CCKAR: variants seen among roughly 807,000 people sequenced by gnomAD.
CCKAR encodes cholecystokinin A receptor, also known as cholecystokinin receptor type A.
In CCKAR, 21 loss-of-function variants were observed where a neutral mutation model predicts 29.8. That is an observed-to-expected ratio of 0.70 (90% CI 0.50 to 1.01). CCKAR has a LOEUF of 1.01. Ranked by LOEUF, CCKAR falls within the 50% of genes least tolerant of loss-of-function variation. The pLI, the probability that CCKAR is intolerant of heterozygous loss-of-function variation, is 0.00. For missense variants in CCKAR, 570 were observed against 560.6 expected (o/e 1.02, Z -0.17); for synonymous variants, 238 against 221.3 (o/e 1.08, Z -0.67).
At chr4:26,482,262 A>G in intron 4 of CCKAR, 92 bp from the exon 5 acceptor site, 1 of 1,240,776 alleles carries the variant, frequency 8.1e-7, no homozygotes, top group Non-Finnish European at 1.1e-6. Flanking sequence ...AAGAAGTCCA[A>G]ACCAAACAGG....
Position 26,483,219 on chromosome 4 carries a change from A to C in CCKAR, c.691T>G (p.Leu231Val), listed in dbSNP as rs1209298439. Residue 231 changes from leucine to valine, a missense_variant, in exon 4 of 5, where the codon TTA (leucine) becomes GTA (valine). Physicochemically the swap from Leu to Val is conservative, Grantham distance 32 (BLOSUM62 1). Coordinates refer to ENST00000295589, the MANE Select transcript of CCKAR (RefSeq NM_000730.3). ...PGIVMMVAYG[L>V]ISLELYQGIK... ...CCCTGGTAGAGTTCCAAAGAGATTA[A>C]TCCATATGCCACCATCATCACAATT... 2.5e-6 allele frequency: 4 copies of C among 1,613,710 alleles called. No homozygotes were observed. The highest frequency in any genetic ancestry group is 3.4e-6 in the Non-Finnish European group (4 of 1,179,810).
intron 3 of CCKAR, among the ~76,000 whole-genome samples, chr4:26,484,025 C>A (rs1388695391): frequency 1.3e-5 from 2 of 152,170 alleles, no homozygotes; most frequent in Non-Finnish European, 2.9e-5. Flanking sequence ...TCTCCATGAC[C>A]CTGTGAGGCT....
intron 2 of CCKAR, among the ~76,000 whole-genome samples, chr4:26,486,960 TA>T (rs746974684): frequency 1.2e-4 from 18 of 152,154 alleles, no homozygotes; most frequent in Non-Finnish European, 7.3e-5. Flanking sequence ...TTAGATGGCC[TA>T]TGGAAAAAAA....
Position 26,481,653 on chromosome 4 carries a change from C to G in CCKAR, c.1272G>C (p.Ser424=). The G allele has an allele frequency of 6.2e-7, 1 of 1,614,134 alleles. No individual in the cohort carries two copies. ...AGGGGACATCTCACTGGGGTGGCAC[C>G]GAGGCACTCATATGGCTGTACGAGA... ...SRFSYSHMSA[S]VPPQ is the part of the protein sequence containing the mutation. Residue 424 remains serine, a synonymous_variant, in exon 5 of 5, where the codon TCG becomes TCC. Coordinates refer to ENST00000295589, the MANE Select transcript of CCKAR (RefSeq NM_000730.3).
At chr4:26,482,779 G>A (rs1737377860) in intron 4 of CCKAR, among the ~76,000 whole-genome samples, 1 of 152,162 alleles carries the variant, frequency 6.6e-6, no homozygotes, top group African/African-American at 2.4e-5. Flanking sequence ...TGTGGGTTAG[G>A]AATCAAATCC....
chr4:26,481,578 C>T lies in CCKAR; in HGVS notation c.*60G>A, dbSNP rs1393782614. On this transcript the variant is annotated 3_prime_UTR_variant, in exon 5 of 5. Coordinates refer to ENST00000295589, the MANE Select transcript of CCKAR (RefSeq NM_000730.3). ...TCCTTCTCTTCCTGATCTCTTCTTC[C>T]GTTCTTTCTTCTCTGCCTCCTCCCT... The T allele has an allele frequency of 5.1e-6, 8 of 1,564,656 alleles. No homozygotes were observed. The highest frequency in any genetic ancestry group is 2.2e-5 in the East Asian group (1 of 44,708).
chr4:26,483,619 C>T (rs1452190372), intron 3 of CCKAR, among the ~76,000 whole-genome samples: 1 of 152,086 alleles, frequency 6.6e-6, no homozygotes, highest in Non-Finnish European at 1.5e-5. Flanking sequence ...GTTTTAAAAA[C>T]CCTTAAAAAT....
intron 3 of CCKAR, among the ~76,000 whole-genome samples, chr4:26,483,620 C>G (rs1042486750): frequency 1.3e-5 from 2 of 152,000 alleles, no homozygotes; most frequent in Non-Finnish European, 2.9e-5. Context: ...TTTTAAAAAC[C>G]CTTAAAAATT....
intron 1 of CCKAR, 98 bp from the exon 2 acceptor site, chr4:26,489,582 A>AC (rs1412900002): frequency 7.3e-7 from 1 of 1,378,170 alleles, no homozygotes; most frequent in East Asian, 2.3e-5. Context: ...TTTTCCCCCC[A>AC]CCGGGGTGTA....
chr4:26,486,011 G>A, intron 2 of CCKAR, 113 bp from the exon 3 acceptor site: 1 of 851,240 alleles, frequency 1.2e-6, no homozygotes, highest in Non-Finnish European at 1.8e-6. Flanking sequence ...GAAAACGCTT[G>A]GAAGGTAAAG....
Position 26,489,141 on chromosome 4 carries a change from C to T in CCKAR, c.364+92G>A, listed in dbSNP as rs572324768. On this transcript the variant is annotated intron_variant, in intron 2 of 4. Transcript: ENST00000295589. The stretch of plus-strand genomic sequence containing the variant: ...TTCTGTGATTCAGCCCTCAGCAGGG[C>T]TCCTTTGCTGTGATTGTCAGAGGTT... The T allele has an allele frequency of 6.0e-5, 90 of 1,508,022 alleles. 1 individual carries two copies. In the South Asian group the frequency reaches 1.0e-3, roughly 17 times the overall value. 93.4% of individuals were successfully genotyped at this position (1,508,022 alleles called of 1,614,324 possible).
intron 2 of CCKAR, among the ~76,000 whole-genome samples, chr4:26,487,199 C>A (rs1737467090): frequency 6.6e-6 from 1 of 152,170 alleles, no homozygotes; most frequent in Non-Finnish European, 1.5e-5. Context: ...GGTCCTGAAA[C>A]TGGGGTCCTT....
chr4:26,482,232 A>T, intron 4 of CCKAR, 62 bp from the exon 5 acceptor site: 1 of 1,475,978 alleles, frequency 6.8e-7, no homozygotes, highest in Non-Finnish European at 9.2e-7. Flanking sequence ...GAAGGCATGG[A>T]GCCCCCACTC....
intron 2 of CCKAR, 95 bp from the exon 3 acceptor site, chr4:26,485,993 T>C (rs750039347): frequency 9.1e-6 from 10 of 1,094,208 alleles, no homozygotes; most frequent in Non-Finnish European, 1.2e-5. Flanking sequence ...ACAGGTTTGA[T>C]ATCAAAGGAA....
Position 26,481,644 on chromosome 4 carries a change from G to C in CCKAR, c.1281C>G (p.Pro427=). The change falls in exon 5 of 5, where the codon CCC becomes CCG. Residue 427 remains proline (P), a synonymous_variant. Coordinates refer to ENST00000295589, the MANE Select transcript of CCKAR (RefSeq NM_000730.3). ...SYSHMSASVP[P]Q ...TGGAGGGTCAGGGGACATCTCACTGGGGTGGCACCGAGGCACTCATATGGC... is the reference window on the plus strand; with the variant it reads ...TGGAGGGTCAGGGGACATCTCACTGCGGTGGCACCGAGGCACTCATATGGC... 1 of 1,614,138 alleles carries C rather than the reference G, an allele frequency of 6.2e-7. No homozygotes were observed. Among genetic ancestry groups the C allele is most frequent in the Non-Finnish European group, 8.5e-7 (1 of 1,180,014 alleles).
At position 26,485,588 on chromosome 4, in the gene CCKAR, G is replaced by T. The variant is rs749451615; in HGVS notation, c.626+49C>A. On this transcript the variant is annotated intron_variant, in intron 3 of 4. Transcript: ENST00000295589. ...AGGCATCTCAGTTTTTCATGATATT[G>T]CAAAATTACATCAAGCTGTATTTTT... The T allele has an allele frequency of 8.8e-6, 14 of 1,597,872 alleles. No homozygotes were observed. The South Asian group carries it at 1.0e-4, about 11-fold the overall frequency.
At chr4:26,482,639 A>G (rs1577706283) in intron 4 of CCKAR, among the ~76,000 whole-genome samples, 1 of 152,324 alleles carries the variant, frequency 6.6e-6, no homozygotes, top group East Asian at 1.9e-4. Flanking sequence ...AAGCTATGTC[A>G]ACAAGGGTGT....
Position 26,489,309 on chromosome 4 carries a change from C to G in CCKAR, c.288G>C (p.Pro96=), listed in dbSNP as rs374938268. The G allele has an allele frequency of 1.9e-6, 3 of 1,614,110 alleles. No individual in the cohort carries two copies. The East Asian group carries it at 6.7e-5, about 36-fold the overall frequency. Residue 96 remains proline, a synonymous_variant, in exon 2 of 5, where the codon CCG becomes CCC. Coordinates refer to ENST00000295589, the MANE Select transcript of CCKAR (RefSeq NM_000730.3). ...TGAGCAGATTGGGGATGAGGTTGAACGGCATGCAGAAGAGACAGAGCATGA... is the reference window on the plus strand; with the variant it reads ...TGAGCAGATTGGGGATGAGGTTGAAGGGCATGCAGAAGAGACAGAGCATGA... The part of the protein sequence containing the change: ...SDLMLCLFCM[P]FNLIPNLLKD...
At chr4:26,484,918 G>C (rs1421703030) in intron 3 of CCKAR, among the ~76,000 whole-genome samples, 3 of 146,814 alleles carry the variant, frequency 2.0e-5, no homozygotes, top group Admixed American at 6.7e-5. Flanking sequence ...AAGGCCGGGC[G>C]CGGTGGCTCA....
Sources: gnomAD v4.1 joint callset for allele counts (sites outside exome capture counted in the v4.1 genomes callset) on GRCh38, gnomAD v4.1.1 for gene constraint, MANE v1.5 for transcripts, NCBI Gene and HGNC (gene_info 2026-07-23, HGNC 2026-07-21) for gene names.